Variants in DACH1 observed in about 807,000 individuals in gnomAD.
DACH1 encodes dachshund homolog 1.
In DACH1, 12 loss-of-function variants were observed where a neutral mutation model predicts 54.2. The observed-to-expected ratio is 0.22, with a 90% CI of 0.14 to 0.36. The LOEUF (loss-of-function observed/expected upper bound fraction) is 0.36. DACH1 is among the 10% of genes least tolerant of loss of function. The pLI, the probability that DACH1 is intolerant of heterozygous loss-of-function variation, is 1.00. For missense variants in DACH1, 805 were observed against 929.8 expected (o/e 0.87, Z 1.75); for synonymous variants, 386 against 366.2 (o/e 1.05, Z -0.62).
intron 1 of DACH1, among the ~76,000 whole-genome samples, chr13:71,746,926 G>A (rs1884624657): frequency 6.6e-6 from 1 of 152,090 alleles, no homozygotes; most frequent in East Asian, 1.9e-4. Context: ...CAGCTTGATA[G>A]AGTACACATT....
chr13:71,720,176 G>T (rs983499840), intron 1 of DACH1, among the ~76,000 whole-genome samples: 1 of 152,162 alleles, frequency 6.6e-6, no homozygotes, highest in African/African-American at 2.4e-5. Flanking sequence ...AAATGGACTA[G>T]TGAGTGCAAA....
chr13:71,714,778 C>A (rs948541487), intron 1 of DACH1, among the ~76,000 whole-genome samples: 3 of 151,610 alleles, frequency 2.0e-5, no homozygotes, highest in Non-Finnish European at 2.9e-5. Context: ...ATTTAGGGCA[C>A]CAATAAGAGA....
chr13:71,793,295 G>T lies in DACH1; in HGVS notation c.848+72627C>A, dbSNP rs567093858. Among the ~76,000 whole-genome samples, 4 of 152,258 alleles carry T rather than the reference G, an allele frequency of 2.6e-5. No individual in the cohort carries two copies. The East Asian group carries it at 5.8e-4, about 22-fold the overall frequency. On this transcript the variant is annotated intron_variant, in intron 1 of 10. Transcript: ENST00000613252. ...AAGAACTGAACTTCTAATATTTTCA[G>T]TCGAAAGCTGCTTAACTATATCTTT... is the stretch of plus-strand genomic sequence containing the variant.
chr13:71,538,528 G>A (rs1882945666), intron 6 of DACH1, among the ~76,000 whole-genome samples: 1 of 152,034 alleles, frequency 6.6e-6, no homozygotes, highest in African/African-American at 2.4e-5. Context: ...AAGGGAATGT[G>A]AACTTCGAAG....
chr13:71,820,311 C>G (rs1443328681), intron 1 of DACH1, among the ~76,000 whole-genome samples: 1 of 151,908 alleles, frequency 6.6e-6, no homozygotes, highest in African/African-American at 2.4e-5. Flanking sequence ...TCCTAGTATC[C>G]AAACAAGGAC....
At chr13:71,594,015 T>C (rs1873913756) in intron 3 of DACH1, among the ~76,000 whole-genome samples, 1 of 151,362 alleles carries the variant, frequency 6.6e-6, no homozygotes, top group South Asian at 2.1e-4. Context: ...TAAAAACTAG[T>C]TAAAAGATAT....
intron 1 of DACH1, among the ~76,000 whole-genome samples, chr13:71,802,345 G>C (rs776004353): frequency 1.3e-5 from 2 of 151,980 alleles, no homozygotes; most frequent in Non-Finnish European, 2.9e-5. Context: ...GGCTAACTGG[G>C]TTTGTGAATC....
At chr13:71,476,510 T>C (rs1185042574) in intron 8 of DACH1, among the ~76,000 whole-genome samples, 2 of 152,308 alleles carry the variant, frequency 1.3e-5, no homozygotes, top group African/African-American at 4.8e-5. Flanking sequence ...TTTACAGTAC[T>C]ATGATATATT....
Position 71,733,818 on chromosome 13 carries a change from T to A in DACH1, c.849-51908A>T, listed in dbSNP as rs1228280310. ...GAATGTTATATGTAATTTTGGTTCA[T>A]AAAAATTATTTCCTATAAGCCAAAC... On this transcript the variant is annotated intron_variant, in intron 1 of 10. Coordinates refer to ENST00000613252, the MANE Select transcript of DACH1 (RefSeq NM_080759.6). 2.0e-5 allele frequency among the ~76,000 whole-genome samples: 3 copies of A among 152,188 alleles called. No homozygotes were observed. The East Asian group carries it at 5.8e-4, about 29-fold the overall frequency.
intron 1 of DACH1, among the ~76,000 whole-genome samples, chr13:71,787,901 C>A (rs1023190336): frequency 6.6e-6 from 1 of 152,072 alleles, no homozygotes. Flanking sequence ...TGTCAATAAA[C>A]AAAAGATAAA....
intron 6 of DACH1, 53 bp downstream of exon 6, chr13:71,556,971 G>A: frequency 6.7e-7 from 1 of 1,501,940 alleles, no homozygotes; most frequent in Non-Finnish European, 8.9e-7. Context: ...TTAAAATCTA[G>A]TTCTAAAATC....
chr13:71,832,956 T>C (rs1409546273), intron 1 of DACH1, among the ~76,000 whole-genome samples: 1 of 152,014 alleles, frequency 6.6e-6, no homozygotes, highest in Non-Finnish European at 1.5e-5. Flanking sequence ...TAAAACAATC[T>C]GAATTCCACT....
intron 1 of DACH1, among the ~76,000 whole-genome samples, chr13:71,719,944 A>G (rs1883150462): frequency 6.6e-6 from 1 of 152,148 alleles, no homozygotes; most frequent in Non-Finnish European, 1.5e-5. Context: ...TTAGTTCTTT[A>G]TTTATCTTTT....
At chr13:71,495,492 T>G (rs893480960) in intron 6 of DACH1, among the ~76,000 whole-genome samples, 2 of 152,076 alleles carry the variant, frequency 1.3e-5, no homozygotes, top group African/African-American at 4.8e-5. Context: ...AATCTATAGA[T>G]TAAGGGTTGG....
chr13:71,699,051 A>C (rs1375853569), intron 1 of DACH1, among the ~76,000 whole-genome samples: 1 of 152,208 alleles, frequency 6.6e-6, no homozygotes, highest in East Asian at 1.9e-4. Flanking sequence ...GAAAAAATAA[A>C]TAATTAGAAA....
chr13:71,638,212 G>T (rs912655088), intron 2 of DACH1, among the ~76,000 whole-genome samples: 1 of 152,052 alleles, frequency 6.6e-6, no homozygotes, highest in Non-Finnish European at 1.5e-5. Context: ...TTTATGTCTG[G>T]CATTCTTCCT....
In DACH1 at chr13:71,564,703, T is replaced by G. The variant is rs960418593; in HGVS notation, c.1300-4748A>C. On this transcript the variant is annotated intron_variant, in intron 4 of 10. Transcript: ENST00000613252. ...TTTAAAAATTTCATTATCTCAGTTC[T>G]CCTCTCTGCACCTTAAAAATGTATT... 8.5e-5 allele frequency among the ~76,000 whole-genome samples: 13 copies of G among 152,254 alleles called. No homozygotes were observed. In the East Asian group the frequency reaches 2.5e-3, roughly 29 times the overall value.
chr13:71,693,710 G>A (rs1159334921), intron 1 of DACH1, among the ~76,000 whole-genome samples: 1 of 151,956 alleles, frequency 6.6e-6, no homozygotes, highest in East Asian at 1.9e-4. Flanking sequence ...AGAAAGAGAG[G>A]CCACATTCAT....
intron 1 of DACH1, among the ~76,000 whole-genome samples, chr13:71,832,774 T>C (rs1275782423): frequency 6.6e-6 from 1 of 151,960 alleles, no homozygotes; most frequent in Non-Finnish European, 1.5e-5. Context: ...CTAGGTTCAA[T>C]TAAAGCAGTT....
Sources: gnomAD v4.1 joint callset for allele counts (sites outside exome capture counted in the v4.1 genomes callset) on GRCh38, gnomAD v4.1.1 for gene constraint, MANE v1.5 for transcripts, NCBI Gene and HGNC (gene_info 2026-07-23, HGNC 2026-07-21) for gene names.